The following MPLKIP variants were observed in gnomAD, a reference collection of about 807,000 sequenced individuals.
The protein encoded by MPLKIP is M-phase specific PLK1 interacting protein.
MPLKIP carries 16 observed loss-of-function variants against 16.9 expected under a neutral mutation model. That is an observed-to-expected ratio of 0.94 (90% CI 0.64 to 1.43). The LOEUF is 1.43. Among genes scored for constraint, MPLKIP ranks in the 40% most tolerant of loss-of-function variants. MPLKIP has a pLI of 0.00. For synonymous variants in MPLKIP, 126 were observed against 98.4 expected (o/e 1.28, Z -1.66); for missense variants, 282 against 237.6 (o/e 1.19, Z -1.23).
In MPLKIP at chr7:40,128,580, A is replaced by G. The variant is rs1457683394; in HGVS notation, c.*4479T>C. ...ATATCATGCAAACTATGCTACTGAG[A>G]CAGGAATTGAGATATCTTCATCAGG... On this transcript the variant is annotated 3_prime_UTR_variant, in exon 2 of 2. Transcript: ENST00000306984. The G allele has an allele frequency of 6.6e-6, 1 of 152,212 alleles. No individual in the cohort carries two copies. The highest frequency in any genetic ancestry group is 1.5e-5 in the Non-Finnish European group (1 of 68,032). 9.4% of individuals were successfully genotyped at this position (152,212 alleles called of 1,614,324 possible). A position where few individuals can be genotyped will look rare whatever the true frequency, so the allele number is the denominator to read the frequency against.
At chr7:40,133,315 C>T (rs1201184560) in intron 1 of MPLKIP, 56 bp from the exon 2 acceptor site, 8 of 1,478,976 alleles carry the variant, frequency 5.4e-6, no homozygotes, top group South Asian at 1.1e-5. Context: ...GGTACTTCTT[C>T]CTTTAGCTAA....
rs1787458131 is a variant in MPLKIP at position 40,131,225 on chromosome 7, T to C, written c.*1834A>G. The C allele has an allele frequency of 6.6e-6, 1 of 151,906 alleles. No individual in the cohort carries two copies. The highest frequency in any genetic ancestry group is 6.5e-5 in the Admixed American group (1 of 15,284). 9.4% of individuals were successfully genotyped at this position (151,906 alleles called of 1,614,324 possible). On this transcript the variant is annotated 3_prime_UTR_variant, in exon 2 of 2. Coordinates refer to ENST00000306984, the MANE Select transcript of MPLKIP (RefSeq NM_138701.4). ...TTATTAATCTAAAAGCCTTCCATTC[T>C]TATTTTCTAGTCTCTGTGAAATACC...
chr7:40,134,257 G>T lies in MPLKIP; in HGVS notation c.311C>A (p.Ser104Tyr), dbSNP rs1053907559. 18 of 1,559,886 alleles carry T rather than the reference G, an allele frequency of 1.2e-5. No homozygotes were observed. In the Admixed American group the frequency reaches 1.7e-4, roughly 15 times the overall value. ...GGGGTGGGTCTGCTGCTGCCCTGGGGAGTAGCCGAATTGCTGCTGGGACCC... is the reference window on the plus strand; with the variant it reads ...GGGGTGGGTCTGCTGCTGCCCTGGGTAGTAGCCGAATTGCTGCTGGGACCC... Reference protein sequence around the residue: ...PAGSQQQFGYSPGQQQTHPQG... With the variant: ...PAGSQQQFGYYPGQQQTHPQG... Residue 104 changes from serine to tyrosine, a missense_variant, in exon 1 of 2, where the codon TCC (serine) becomes TAC (tyrosine). Coordinates refer to ENST00000306984, the MANE Select transcript of MPLKIP (RefSeq NM_138701.4).
Position 40,131,866 on chromosome 7 carries a change from C to A in MPLKIP, c.*1193G>T, listed in dbSNP as rs1787467939. On this transcript the variant is annotated 3_prime_UTR_variant, in exon 2 of 2. Transcript: ENST00000306984. ...AACAAAACAAAACAAACAAAAAAAA[C>A]AAAACATGGTCTCTACTAAAAATAC... The A allele has an allele frequency of 6.6e-6, 1 of 150,560 alleles. No homozygotes were observed. Among genetic ancestry groups the A allele is most frequent in the Non-Finnish European group, 1.5e-5 (1 of 67,600 alleles). 9.3% of individuals were successfully genotyped at this position (150,560 alleles called of 1,614,324 possible).
At position 40,134,584 on chromosome 7, in the gene MPLKIP, G is replaced by GA; in HGVS notation, c.-18dup. The GA allele has an allele frequency of 6.4e-7, 1 of 1,570,770 alleles. No homozygotes were observed. The highest frequency in any genetic ancestry group is 8.6e-7 in the Non-Finnish European group (1 of 1,161,136). On this transcript the variant is annotated 5_prime_UTR_variant, in exon 1 of 2. Transcript: ENST00000306984. ...TCGCTGCATATCAGGAGCCAAAGCC[G>GA]AAAACCTCGCAGCCGCGTTCTCCCA...
In MPLKIP at chr7:40,130,869, T is replaced by A. The variant is rs1299283788; in HGVS notation, c.*2190A>T. On this transcript the variant is annotated 3_prime_UTR_variant, in exon 2 of 2. Transcript: ENST00000306984. ...ATCCCTTTTATATACAGGGTGTAGGTAGAACAATATAGTAGTTACAATCAG... is the reference window on the plus strand; with the variant it reads ...ATCCCTTTTATATACAGGGTGTAGGAAGAACAATATAGTAGTTACAATCAG... 6.6e-6 allele frequency: 1 copy of A among 152,128 alleles called. No individual in the cohort carries two copies. Among genetic ancestry groups the A allele is most frequent in the Admixed American group, 6.6e-5 (1 of 15,262 alleles). The allele number at this position is 152,128 out of a possible 1,614,324, so 9.4% of individuals were successfully genotyped here. A position where few individuals can be genotyped will look rare whatever the true frequency, so the allele number is the denominator to read the frequency against.
intron 1 of MPLKIP, among the ~76,000 whole-genome samples, chr7:40,133,885 A>AT (rs1402828030): frequency 7.4e-4 from 81 of 109,712 alleles, no homozygotes; most frequent in South Asian, 1.7e-3. Flanking sequence ...CGAAAGAAAG[A>AT]TAAAAAAAAA....
chr7:40,132,960 T>C lies in MPLKIP; in HGVS notation c.*99A>G, dbSNP rs1197788475. On this transcript the variant is annotated 3_prime_UTR_variant, in exon 2 of 2. Coordinates refer to ENST00000306984, the MANE Select transcript of MPLKIP (RefSeq NM_138701.4). The stretch of plus-strand genomic sequence containing the variant: ...CAAAAAGACCTTACTAATTATCCAA[T>C]CAAAGTCATCATCTTTGGGTAAATT... The C allele has an allele frequency of 9.6e-7, 1 of 1,041,746 alleles. No individual in the cohort carries two copies. The highest frequency in any genetic ancestry group is 1.5e-6 in the Non-Finnish European group (1 of 683,598). The allele number at this position is 1,041,746 out of a possible 1,614,324, so 64.5% of individuals were successfully genotyped here.
rs1470865805 is a variant in MPLKIP at position 40,134,463 on chromosome 7, T to C, written c.105A>G (p.Gly35=). The part of the protein sequence containing the change: ...SSFRGTPGGG[G]PRPPSPRDGY... ...CGTCTCGAGGGGAGGGCGGCCGTGG[T>C]CCGCCCCCGCCCGGGGTTCCCCGGA... is the stretch of plus-strand genomic sequence containing the variant. Residue 35 remains glycine, a synonymous_variant, in exon 1 of 2, where the codon GGA becomes GGG. Coordinates refer to ENST00000306984, the MANE Select transcript of MPLKIP (RefSeq NM_138701.4). 23 of 1,570,640 alleles carry C rather than the reference T, an allele frequency of 1.5e-5. No homozygotes were observed. The highest frequency in any genetic ancestry group is 2.0e-5 in the Non-Finnish European group (23 of 1,159,898).
At position 40,128,920 on chromosome 7, in the gene MPLKIP, A is replaced by AG. The variant is rs1787426338; in HGVS notation, c.*4138_*4139insC. 3 of 151,040 alleles carry AG rather than the reference A, an allele frequency of 2.0e-5. No individual in the cohort carries two copies. Among genetic ancestry groups the AG allele is most frequent in the African/African-American group, 7.3e-5 (3 of 41,210 alleles). 9.4% of individuals were successfully genotyped at this position (151,040 alleles called of 1,614,324 possible). On this transcript the variant is annotated 3_prime_UTR_variant, in exon 2 of 2. Transcript: ENST00000306984. ...GACAGAACAAGACTTCGTCTCAAAA[A>AG]AAAAAAAAAAAAAAAAAGAATGGTG...
rs371245257 is a variant in MPLKIP, at chr7:40,134,484, C to T, written c.84G>A (p.Arg28=). ...GTGGTCCGCCCCCGCCCGGGGTTCC[C>T]CGGAAGCTGCTTCCGCTACCCCAAC... is the stretch of plus-strand genomic sequence containing the variant. ...GGGWGSGSSF[R]GTPGGGGPRP... is the part of the protein sequence containing the mutation. The change falls in exon 1 of 2, where the codon CGG becomes CGA. Residue 28 remains arginine, a synonymous_variant. Transcript: ENST00000306984. 4 of 1,577,572 alleles carry T rather than the reference C, an allele frequency of 2.5e-6. No individual in the cohort carries two copies. The highest frequency in any genetic ancestry group is 2.7e-5 in the African/African-American group (2 of 74,392).
intron 1 of MPLKIP, among the ~76,000 whole-genome samples, chr7:40,133,609 A>G (rs1787509955): frequency 1.3e-5 from 2 of 152,184 alleles, no homozygotes; most frequent in African/African-American, 2.4e-5. Context: ...GGAGAAAACA[A>G]TACTATAGTT....
At position 40,126,272 on chromosome 7, in the gene MPLKIP, A is replaced by G. The variant is rs898602304; in HGVS notation, c.*6787T>C. 6.6e-6 allele frequency: 1 copy of G among 152,210 alleles called. No individual in the cohort carries two copies. The highest frequency in any genetic ancestry group is 6.5e-5 in the Admixed American group (1 of 15,272). The allele number at this position is 152,210 out of a possible 1,614,324, so 9.4% of individuals were successfully genotyped here. On this transcript the variant is annotated 3_prime_UTR_variant, in exon 2 of 2. Transcript: ENST00000306984. ...TTAAATTTGACGTAAAGAATATCACATAAGTTTTGCTTTGGCTTTTGTTTG... is the reference window on the plus strand; with the variant it reads ...TTAAATTTGACGTAAAGAATATCACGTAAGTTTTGCTTTGGCTTTTGTTTG...
chr7:40,133,279 TA>T lies in MPLKIP; in HGVS notation c.340-21del. On this transcript the variant is annotated intron_variant, in intron 1 of 1. Transcript: ENST00000306984. ...AGAACCCTTTAGAAAAAAAATCAGT[TA>T]AAAAAACACTTAGTAAAGATAATTG... is the stretch of plus-strand genomic sequence containing the variant. 7 of 1,599,504 alleles carry T rather than the reference TA, an allele frequency of 4.4e-6. No individual in the cohort carries two copies. The highest frequency in any genetic ancestry group is 6.0e-6 in the Non-Finnish European group (7 of 1,169,356).
chr7:40,134,537 G>A lies in MPLKIP; in HGVS notation c.31C>T (p.Pro11Ser), dbSNP rs1016450721. 1.9e-6 allele frequency: 3 copies of A among 1,593,978 alleles called. No individual in the cohort carries two copies. Among genetic ancestry groups the A allele is most frequent in the South Asian group, 1.1e-5 (1 of 88,404 alleles). Residue 11 changes from proline to serine, a missense_variant, in exon 1 of 2, where the codon CCT becomes TCT. By Grantham distance (74) the Pro-to-Ser change is moderately conservative (BLOSUM62 -1). Coordinates refer to ENST00000306984, the MANE Select transcript of MPLKIP (RefSeq NM_138701.4). The part of the protein sequence containing the change: MQRQNFRPPT[P>S]PYPGPGGGGW... ...CCTCCACCCGGACCAGGGTAAGGAG[G>A]AGTTGGGGGCCGAAAATTCTGTCGC...
Position 40,127,540 on chromosome 7 carries a change from A to G in MPLKIP, c.*5519T>C, listed in dbSNP as rs1787407629. 1 of 152,058 alleles carries G rather than the reference A, an allele frequency of 6.6e-6. No individual in the cohort carries two copies. The highest frequency in any genetic ancestry group is 1.5e-5 in the Non-Finnish European group (1 of 68,016). 9.4% of individuals were successfully genotyped at this position (152,058 alleles called of 1,614,324 possible). On this transcript the variant is annotated 3_prime_UTR_variant, in exon 2 of 2. Coordinates refer to ENST00000306984, the MANE Select transcript of MPLKIP (RefSeq NM_138701.4). ...AGACCAGCCTGGGCAACATAGCAGG[A>G]TCGGTCTCAAAAAAAAGAAAAGTAT...
Position 40,132,804 on chromosome 7 carries a change from T to C in MPLKIP, c.*255A>G. The C allele has an allele frequency of 2.0e-6, 1 of 496,868 alleles. No individual in the cohort carries two copies. The highest frequency in any genetic ancestry group is 3.6e-6 in the Non-Finnish European group (1 of 275,304). The allele number at this position is 496,868 out of a possible 1,614,324, so 30.8% of individuals were successfully genotyped here. A position where few individuals can be genotyped will look rare whatever the true frequency, so the allele number is the denominator to read the frequency against. On this transcript the variant is annotated 3_prime_UTR_variant, in exon 2 of 2. Coordinates refer to ENST00000306984, the MANE Select transcript of MPLKIP (RefSeq NM_138701.4). ...AACATTAAAAGACAAATGTCCATTA[T>C]GTAACCAGGAATGTTAAATATATGG...
At chr7:40,133,654 T>A (rs1420699367) in intron 1 of MPLKIP, among the ~76,000 whole-genome samples, 1 of 152,132 alleles carries the variant, frequency 6.6e-6, no homozygotes, top group Non-Finnish European at 1.5e-5. Flanking sequence ...CTCATGAACA[T>A]TTTCTTTACT....
chr7:40,131,471 G>A lies in MPLKIP; in HGVS notation c.*1588C>T, dbSNP rs1185951248. ...ACTCAGCACTGTGGGAGGCTGAGAT[G>A]GGTGGATCATTTGAGATCATGAGTT... On this transcript the variant is annotated 3_prime_UTR_variant, in exon 2 of 2. Coordinates refer to ENST00000306984, the MANE Select transcript of MPLKIP (RefSeq NM_138701.4). 2 of 151,522 alleles carry A rather than the reference G, an allele frequency of 1.3e-5. No homozygotes were observed. Among genetic ancestry groups the A allele is most frequent in the Middle Eastern group, 3.2e-3 (1 of 316 alleles). The allele number at this position is 151,522 out of a possible 1,614,324, so 9.4% of individuals were successfully genotyped here. A position where few individuals can be genotyped will look rare whatever the true frequency, so the allele number is the denominator to read the frequency against.
Sources: allele counts gnomAD v4.1 joint callset (sites outside exome capture counted in the v4.1 genomes callset), GRCh38; gene constraint gnomAD v4.1.1; transcripts MANE v1.5; gene names NCBI Gene and HGNC (gene_info 2026-07-23, HGNC 2026-07-21).